Variants in INTS10 observed in about 807,000 individuals in gnomAD.
INTS10 encodes chromosome 8 open reading frame 35.
In INTS10, 44 loss-of-function variants were observed where a neutral mutation model predicts 94.4. The observed-to-expected ratio is 0.47, with a 90% CI of 0.37 to 0.60. INTS10 has a LOEUF of 0.60. Ranked by LOEUF, INTS10 falls within the 20% of genes least tolerant of loss-of-function variation. The pLI, the probability that INTS10 is intolerant of heterozygous loss-of-function variation, is 0.00. For missense variants in INTS10, 797 were observed against 868.7 expected (o/e 0.92, Z 1.04); for synonymous variants, 341 against 320.7 (o/e 1.06, Z -0.68).
chr8:19,817,767 C>A (rs1158739664), intron 1 of INTS10, 101 bp downstream of exon 1: 6 of 1,437,504 alleles, frequency 4.2e-6, no homozygotes, highest in Non-Finnish European at 4.7e-6. Flanking sequence ...GGGGCTGCCG[C>A]CTCCTGCCCG....
intron 6 of INTS10, 69 bp downstream of exon 6, chr8:19,823,510 C>G: frequency 1.9e-6 from 2 of 1,063,608 alleles, no homozygotes; most frequent in South Asian, 2.7e-5. Context: ...AGAAACCCCT[C>G]AATGTTCTGA....
At position 19,817,461 on chromosome 8, in the gene INTS10, T is replaced by C. The variant is rs62498456; in HGVS notation, c.-77T>C. 1.6e-4 allele frequency: 241 copies of C among 1,467,890 alleles called. 1 individual carries two copies. In the African/African-American group the frequency reaches 2.4e-3, roughly 15 times the overall value. The allele number at this position is 1,467,890 out of a possible 1,614,324, so 90.9% of individuals were successfully genotyped here. A position where few individuals can be genotyped will look rare whatever the true frequency, so the allele number is the denominator to read the frequency against. On this transcript the variant is annotated 5_prime_UTR_variant, in exon 1 of 17. Transcript: ENST00000397977. ...CCCGCGGTGGCGGCGGCGGCGGCGG[T>C]GGCTGCCGTGGCGGCTGAGAGTCCA... is the stretch of plus-strand genomic sequence containing the variant.
At chr8:19,820,712 G>C (rs2066303602) in intron 4 of INTS10, among the ~76,000 whole-genome samples, 194 bp downstream of exon 4, 2 of 152,210 alleles carry the variant, frequency 1.3e-5, no homozygotes, top group Non-Finnish European at 2.9e-5. Context: ...TCCAGGAGAA[G>C]CTGTTTTATC....
intron 13 of INTS10, among the ~76,000 whole-genome samples, chr8:19,838,435 G>A (rs1194709446): frequency 6.6e-6 from 1 of 152,142 alleles, no homozygotes; most frequent in Non-Finnish European, 1.5e-5. Flanking sequence ...AGCTATTAAG[G>A]AAATTAAATT....
At chr8:19,831,394 A>G (rs1236347855) in intron 10 of INTS10, among the ~76,000 whole-genome samples, 3 of 152,216 alleles carry the variant, frequency 2.0e-5, no homozygotes, top group Admixed American at 2.0e-4. Flanking sequence ...AATTAGGTCA[A>G]AATAAAATGG....
At chr8:19,823,207 A>C in intron 5 of INTS10, 94 bp from the exon 6 acceptor site, 2 of 915,786 alleles carry the variant, frequency 2.2e-6, no homozygotes, top group Non-Finnish European at 3.4e-6. Context: ...TATTTTAGAT[A>C]CTACATCAAA....
intron 15 of INTS10, among the ~76,000 whole-genome samples, chr8:19,844,781 GGTTA>G (rs2068434064): frequency 6.6e-6 from 1 of 152,100 alleles, no homozygotes; most frequent in African/African-American, 2.4e-5. Flanking sequence ...TTGAATTAAA[GGTTA>G]GTTATCAATT....
At position 19,833,607 on chromosome 8, in the gene INTS10, T is replaced by C. The variant is rs2067415661; in HGVS notation, c.1530+286T>C. On this transcript the variant is annotated intron_variant, in intron 12 of 16. Transcript: ENST00000397977. ...TTATTATTATTTTTCTTTTTATTAT[T>C]ATTACACTCTTGTCTCTTCTGTTGT... Among the ~76,000 whole-genome samples, 3 of 152,292 alleles carry C rather than the reference T, an allele frequency of 2.0e-5. No individual in the cohort carries two copies. In the South Asian group the frequency reaches 6.2e-4, roughly 32 times the overall value.
In INTS10 at chr8:19,849,041, G is replaced by A. The variant is rs1351561391; in HGVS notation, c.1977-2608G>A. The A allele has an allele frequency of 5.0e-6, 2 of 398,080 alleles. No homozygotes were observed. The highest frequency in any genetic ancestry group is 9.9e-6 in the Non-Finnish European group (2 of 201,824). The allele number at this position is 398,080 out of a possible 1,614,324, so 24.7% of individuals were successfully genotyped here. On this transcript the variant is annotated intron_variant, in intron 16 of 16. Transcript: ENST00000397977. The surrounding 1 kb of genome is among the most constrained non-coding windows in gnomAD (Gnocchi z 4.6). ...CCAGCCACGGCCAGGGGCTTGTTGA[G>A]GTTAATGAGTTTCTGTTTAGTCTGC...
At position 19,831,949 on chromosome 8, in the gene INTS10, C is replaced by G. The variant is rs960448491; in HGVS notation, c.1295-79C>G. ...ATTTTTGGTAGGTTGTCTCTCTTCT[C>G]TCTTACTGGATTTGTTAGTTTGTTT... On this transcript the variant is annotated intron_variant, in intron 10 of 16. Coordinates refer to ENST00000397977, the MANE Select transcript of INTS10 (RefSeq NM_018142.4). 8 of 843,122 alleles carry G rather than the reference C, an allele frequency of 9.5e-6. No individual in the cohort carries two copies. The African/African-American group carries it at 1.2e-4, about 12-fold the overall frequency. The allele number at this position is 843,122 out of a possible 1,614,324, so 52.2% of individuals were successfully genotyped here.
intron 15 of INTS10, among the ~76,000 whole-genome samples, chr8:19,845,219 A>G (rs1015597192): frequency 2.0e-5 from 3 of 152,218 alleles, no homozygotes; most frequent in Non-Finnish European, 4.4e-5. Flanking sequence ...TGATGCATCT[A>G]TAAACCCTTG....
At chr8:19,850,414 C>T (rs2068934858) in intron 16 of INTS10, among the ~76,000 whole-genome samples, 1 of 152,122 alleles carries the variant, frequency 6.6e-6, no homozygotes, top group African/African-American at 2.4e-5. Context: ...TGCTGTTTTC[C>T]CCTGTAGTTC....
chr8:19,843,810 G>T lies in INTS10; in HGVS notation c.1720-266G>T, dbSNP rs569022295. On this transcript the variant is annotated intron_variant, in intron 14 of 16. Transcript: ENST00000397977. The surrounding 1 kb of genome is among the most constrained non-coding windows in gnomAD (Gnocchi z 4.7). ...TGATTCTCATATGCAAAAGCTTCAGGCCCACCCATGTCCAACTGCCATCTA... is the reference window on the plus strand; with the variant it reads ...TGATTCTCATATGCAAAAGCTTCAGTCCCACCCATGTCCAACTGCCATCTA... 1.3e-5 allele frequency among the ~76,000 whole-genome samples: 2 copies of T among 151,928 alleles called. No individual in the cohort carries two copies. Among genetic ancestry groups the T allele is most frequent in the East Asian group, 3.9e-4 (2 of 5,150 alleles).
chr8:19,833,587 A>G (rs932020662), intron 12 of INTS10, among the ~76,000 whole-genome samples: 4 of 151,756 alleles, frequency 2.6e-5, no homozygotes, highest in African/African-American at 9.7e-5. Flanking sequence ...TCTTTTTATT[A>G]TTATTTTTCT....
intron 2 of INTS10, 58 bp downstream of exon 2, chr8:19,818,400 TTCTC>T (rs779465361): frequency 8.1e-5 from 126 of 1,549,320 alleles, no homozygotes; most frequent in Non-Finnish European, 1.1e-4. Context: ...GAGGTTTTGT[TTCTC>T]TCTGCAGAAG....
intron 13 of INTS10, among the ~76,000 whole-genome samples, chr8:19,840,229 A>T (rs1280119653): frequency 6.6e-6 from 1 of 152,198 alleles, no homozygotes; most frequent in Non-Finnish European, 1.5e-5. Flanking sequence ...TTAATGAAAG[A>T]TATGCAAAAC....
chr8:19,829,963 C>T lies in INTS10; in HGVS notation c.1141-443C>T, dbSNP rs181081453. The stretch of plus-strand genomic sequence containing the variant: ...GAATATAGGCATAAGCTGCCACGCC[C>T]GGCCCCAGGCTTTAATTTTATCCCA... On this transcript the variant is annotated intron_variant, in intron 9 of 16. Transcript: ENST00000397977. Among the ~76,000 whole-genome samples the T allele has an allele frequency of 9.9e-5, 15 of 152,254 alleles. No homozygotes were observed. The East Asian group carries it at 2.1e-3, about 22-fold the overall frequency.
At chr8:19,817,729 T>A (rs1182260055) in intron 1 of INTS10, 63 bp downstream of exon 1, 28 of 1,547,366 alleles carry the variant, frequency 1.8e-5, no homozygotes, top group Non-Finnish European at 2.4e-5. Flanking sequence ...TCGCCCGGGC[T>A]GCCCTGGCCC....
intron 2 of INTS10, among the ~76,000 whole-genome samples, chr8:19,819,340 A>G (rs772891584): frequency 6.6e-6 from 1 of 152,150 alleles, no homozygotes; most frequent in Non-Finnish European, 1.5e-5. Context: ...AGCTCTTTCT[A>G]TGTTATGGTT....
Sources: gnomAD v4.1 joint callset for allele counts (sites outside exome capture counted in the v4.1 genomes callset) on GRCh38, gnomAD v4.1.1 for gene constraint, Gnocchi (gnomAD v3.1) non-coding constraint, MANE v1.5 for transcripts, NCBI Gene and HGNC (gene_info 2026-07-23, HGNC 2026-07-21) for gene names.